The following ST6GALNAC5 variants were observed in gnomAD, a reference collection of about 807,000 sequenced individuals.
ST6GALNAC5 encodes alpha-N-acetylgalactosaminide alpha-2,6-sialyltransferase 5.
In ST6GALNAC5, 27 loss-of-function variants were observed where a neutral mutation model predicts 33.6. The observed-to-expected ratio is 0.80, with a 90% CI of 0.59 to 1.11. The LOEUF (loss-of-function observed/expected upper bound fraction) is 1.11, where lower values mean the gene tolerates loss of function less well. Among genes scored for constraint, ST6GALNAC5 ranks in the 50% least tolerant of loss-of-function variants. The pLI, the probability that ST6GALNAC5 is intolerant of heterozygous loss-of-function variation, is 0.00. For missense variants in ST6GALNAC5, 428 were observed against 454.0 expected, an observed-to-expected ratio of 0.94 and a Z score of 0.52; for synonymous variants, 194 against 171.2, an observed-to-expected ratio of 1.13 and a Z score of -1.04.
chr1:76,918,851 A>T (rs1489356191), intron 2 of ST6GALNAC5, among the ~76,000 whole-genome samples: 1 of 152,242 alleles, frequency 6.6e-6, no homozygotes, highest in East Asian at 1.9e-4. Context: ...AGTGGCCTCT[A>T]CACTGAAGAA....
chr1:76,942,868 G>C (rs536341539), intron 2 of ST6GALNAC5, among the ~76,000 whole-genome samples: 2 of 151,998 alleles, frequency 1.3e-5, no homozygotes, highest in African/African-American at 2.4e-5. Flanking sequence ...AACTTGACTC[G>C]ACATCCACAG....
chr1:77,005,049 A>C (rs1650340897), intron 2 of ST6GALNAC5, among the ~76,000 whole-genome samples: 1 of 151,160 alleles, frequency 6.6e-6, no homozygotes, highest in Admixed American at 6.6e-5. Flanking sequence ...TGCTTTGTTT[A>C]CCTAATCAAG....
At chr1:76,880,507 T>C (rs1653755299) in intron 2 of ST6GALNAC5, among the ~76,000 whole-genome samples, 1 of 152,068 alleles carries the variant, frequency 6.6e-6, no homozygotes, top group African/African-American at 2.4e-5. Flanking sequence ...CAATCACAGG[T>C]TCCACAATAG....
At chr1:76,918,088 T>A (rs1316532357) in intron 2 of ST6GALNAC5, among the ~76,000 whole-genome samples, 3 of 152,124 alleles carry the variant, frequency 2.0e-5, no homozygotes, top group Non-Finnish European at 4.4e-5. Context: ...AAGTTAACTG[T>A]CCCACTAGGT....
rs115734720 is a variant in ST6GALNAC5 at position 77,066,764 on chromosome 1, A to G, written c.*3558A>G. Among the ~76,000 whole-genome samples, 718 of 152,244 alleles carry G rather than the reference A, an allele frequency of 4.7e-3. 8 individuals are homozygous for G. Among genetic ancestry groups the G allele is most frequent in the African/African-American group, 0.016 (681 of 41,540 alleles). On this transcript the variant is annotated 3_prime_UTR_variant, in exon 5 of 5. Transcript: ENST00000477717. ...TGTATCTGACCCAATCATTTCTTCC[A>G]TTCTCATTGCTTCTCTCTTAAACCT...
intron 2 of ST6GALNAC5, among the ~76,000 whole-genome samples, chr1:76,989,919 G>A (rs1012818401): frequency 3.8e-4 from 58 of 152,228 alleles, no homozygotes; most frequent in African/African-American, 1.3e-3. Flanking sequence ...TCTGAGATCT[G>A]TCATGGCTGG....
In ST6GALNAC5 at chr1:77,063,853, C is replaced by T. The variant is rs951096194; in HGVS notation, c.*647C>T. The T allele has an allele frequency of 1.3e-5, 2 of 152,860 alleles. No homozygotes were observed. The highest frequency in any genetic ancestry group is 1.3e-4 in the Admixed American group (2 of 15,302). The allele number at this position is 152,860 out of a possible 1,614,324, so 9.5% of individuals were successfully genotyped here. On this transcript the variant is annotated 3_prime_UTR_variant, in exon 5 of 5. Coordinates refer to ENST00000477717, the MANE Select transcript of ST6GALNAC5 (RefSeq NM_030965.3). ...TTGGAAATGGCCTAGAATTAGGTTA[C>T]TCTGTTCACAATGCTCATTGTTAGC...
At chr1:76,993,250 A>G (rs1649806477) in intron 2 of ST6GALNAC5, among the ~76,000 whole-genome samples, 1 of 152,200 alleles carries the variant, frequency 6.6e-6, no homozygotes. Flanking sequence ...GTGTTGTGCA[A>G]TAATTACATC....
At chr1:76,964,373 C>G (rs1648369894) in intron 2 of ST6GALNAC5, among the ~76,000 whole-genome samples, 1 of 152,176 alleles carries the variant, frequency 6.6e-6, no homozygotes. Context: ...TTTCGTGGCT[C>G]AAAACTATCC....
At chr1:76,992,434 A>G (rs183822951) in intron 2 of ST6GALNAC5, among the ~76,000 whole-genome samples, 33 of 151,970 alleles carry the variant, frequency 2.2e-4, no homozygotes, top group Non-Finnish European at 3.8e-4. Context: ...TTCCCTCTCT[A>G]ATCCTTTCTC....
At chr1:77,030,338 C>T (rs1421156691) in intron 2 of ST6GALNAC5, among the ~76,000 whole-genome samples, 5 of 152,160 alleles carry the variant, frequency 3.3e-5, no homozygotes, top group Non-Finnish European at 7.4e-5. Context: ...TGACCTTGAG[C>T]AATTTAACCC....
At chr1:76,970,307 G>GA (rs1446596144) in intron 2 of ST6GALNAC5, among the ~76,000 whole-genome samples, 2 of 151,842 alleles carry the variant, frequency 1.3e-5, no homozygotes, top group African/African-American at 4.8e-5. Flanking sequence ...AAAAACCTTG[G>GA]AAAAAGATTA....
At chr1:76,897,963 G>A (rs575031459) in intron 2 of ST6GALNAC5, among the ~76,000 whole-genome samples, 1 of 152,198 alleles carries the variant, frequency 6.6e-6, no homozygotes, top group African/African-American at 2.4e-5. Flanking sequence ...ACTTTCCACT[G>A]TGAGAGTTAC....
intron 2 of ST6GALNAC5, among the ~76,000 whole-genome samples, chr1:77,013,749 A>T (rs1325274222): frequency 2.0e-5 from 3 of 152,218 alleles, no homozygotes; most frequent in African/African-American, 7.2e-5. Flanking sequence ...GAAAGGATAA[A>T]CAATTAATGT....
chr1:77,013,937 A>G (rs754431468), intron 2 of ST6GALNAC5, among the ~76,000 whole-genome samples: 2 of 152,244 alleles, frequency 1.3e-5, no homozygotes, highest in Non-Finnish European at 2.9e-5. Context: ...TTCATTTCCC[A>G]TCAATTGTAA....
At chr1:76,916,030 T>C (rs1179363721) in intron 2 of ST6GALNAC5, among the ~76,000 whole-genome samples, 3 of 151,990 alleles carry the variant, frequency 2.0e-5, no homozygotes, top group Non-Finnish European at 4.4e-5. Flanking sequence ...AAAAAACTCA[T>C]TGAAATACTC....
chr1:76,932,841 T>C (rs1570684420), intron 2 of ST6GALNAC5, among the ~76,000 whole-genome samples: 1 of 152,086 alleles, frequency 6.6e-6, no homozygotes, highest in African/African-American at 2.4e-5. Flanking sequence ...GTTCTTCAGA[T>C]TGGAAATAAG....
intron 2 of ST6GALNAC5, among the ~76,000 whole-genome samples, chr1:77,009,899 T>G (rs1416882978): frequency 1.3e-5 from 2 of 152,218 alleles, no homozygotes; most frequent in African/African-American, 4.8e-5. Flanking sequence ...CATTTGCTAT[T>G]CTTTCCAATT....
chr1:76,982,099 T>A (rs1332397260), intron 2 of ST6GALNAC5, among the ~76,000 whole-genome samples: 1 of 152,056 alleles, frequency 6.6e-6, no homozygotes, highest in African/African-American at 2.4e-5. Context: ...TCAGAGCACC[T>A]CTTCTCCTCC....
Sources: gnomAD v4.1 joint callset for allele counts (sites outside exome capture counted in the v4.1 genomes callset) on GRCh38, gnomAD v4.1.1 for gene constraint, MANE v1.5 for transcripts, NCBI Gene and HGNC (gene_info 2026-07-23, HGNC 2026-07-21) for gene names.